Variants in DLG2 observed in about 807,000 individuals in gnomAD.
DLG2 encodes the protein disks large homolog 2.
Under a neutral mutation model 132.5 loss-of-function variants are expected in DLG2, and 45 were observed. That is an observed-to-expected ratio of 0.34 (90% CI 0.27 to 0.44). The LOEUF (loss-of-function observed/expected upper bound fraction) is 0.44, where lower values mean the gene tolerates loss of function less well. Ranked by LOEUF, DLG2 falls within the 20% of genes least tolerant of loss-of-function variation. The pLI is 1.00. For synonymous variants in DLG2, 424 were observed against 419.6 expected (o/e 1.01, Z -0.13); for missense variants, 1,045 against 1,196.9 (o/e 0.87, Z 1.87).
In DLG2 at chr11:85,184,195, T is replaced by A. The variant is rs188973956; in HGVS notation, c.187-29544A>T. Among the ~76,000 whole-genome samples the A allele has an allele frequency of 1.7e-3, 262 of 152,036 alleles. 1 individual carries two copies. The highest frequency in any genetic ancestry group is 6.2e-3 in the African/African-American group (257 of 41,508). On this transcript the variant is annotated intron_variant, in intron 4 of 27. Coordinates refer to ENST00000376104, the MANE Select transcript of DLG2 (RefSeq NM_001142699.3). Reference sequence around the variant, plus strand: ...AGAGCATGATCAATTTTAAGAGATGTAATTAGTCAATATGAAAGTACTATT... The same window carrying A: ...AGAGCATGATCAATTTTAAGAGATGAAATTAGTCAATATGAAAGTACTATT...
At chr11:85,581,307 A>C (rs1289326673) in intron 3 of DLG2, among the ~76,000 whole-genome samples, 1 of 151,964 alleles carries the variant, frequency 6.6e-6, no homozygotes, top group East Asian at 1.9e-4. Context: ...CTTTCACTTA[A>C]ATCTCTTTGA....
At chr11:83,658,522 A>G (rs1454742300) in intron 18 of DLG2, among the ~76,000 whole-genome samples, 1 of 152,254 alleles carries the variant, frequency 6.6e-6, no homozygotes, top group African/African-American at 2.4e-5. Context: ...ATTGTAACTG[A>G]CACCATTTGA....
chr11:84,177,347 T>C (rs1454245339), intron 8 of DLG2, among the ~76,000 whole-genome samples: 2 of 152,136 alleles, frequency 1.3e-5, no homozygotes, highest in Non-Finnish European at 2.9e-5. Flanking sequence ...TGCATGCACA[T>C]ATATACACAG....
intron 16 of DLG2, among the ~76,000 whole-genome samples, chr11:83,873,125 A>G (rs1419586416): frequency 6.6e-6 from 1 of 152,236 alleles, no homozygotes; most frequent in Non-Finnish European, 1.5e-5. Flanking sequence ...ACCACATTAT[A>G]GAGGACAGAG....
chr11:85,396,361 C>T (rs753921138), intron 3 of DLG2, among the ~76,000 whole-genome samples: 6 of 152,102 alleles, frequency 3.9e-5, no homozygotes, highest in Non-Finnish European at 8.8e-5. Flanking sequence ...AAAGAGAGCA[C>T]CTCTTTTCCT....
chr11:85,598,352 A>T (rs921569205), intron 3 of DLG2, among the ~76,000 whole-genome samples: 19 of 152,134 alleles, frequency 1.2e-4, no homozygotes, highest in African/African-American at 4.3e-4. Context: ...AATGTTTTAT[A>T]ACACACTACT....
intron 3 of DLG2, among the ~76,000 whole-genome samples, chr11:85,494,877 A>C (rs904927132): frequency 1.7e-5 from 2 of 115,640 alleles, no homozygotes; most frequent in Non-Finnish European, 3.9e-5. Context: ...AACAATCATG[A>C]AGTAAAAGTG....
intron 6 of DLG2, among the ~76,000 whole-genome samples, chr11:85,022,681 CTTTG>C (rs1225150123): frequency 6.6e-6 from 1 of 152,060 alleles, no homozygotes; most frequent in Non-Finnish European, 1.5e-5. Flanking sequence ...TCATTGTCAT[CTTTG>C]TTGTAATTCT....
At position 84,213,446 on chromosome 11, in the gene DLG2, G is replaced by A. The variant is rs191613531; in HGVS notation, c.573+37792C>T. 1.4e-4 allele frequency among the ~76,000 whole-genome samples: 22 copies of A among 152,194 alleles called. No homozygotes were observed. In the Middle Eastern group the frequency reaches 0.01, roughly 71 times the overall value. On this transcript the variant is annotated intron_variant, in intron 8 of 27. Coordinates refer to ENST00000376104, the MANE Select transcript of DLG2 (RefSeq NM_001142699.3). ...TAAGCTACTCAAGGTATGATCCAAA[G>A]TATGAACTAGTAGCATTGGCATTAC...
At chr11:83,904,092 A>T (rs1025290403) in intron 15 of DLG2, among the ~76,000 whole-genome samples, 10 of 152,194 alleles carry the variant, frequency 6.6e-5, no homozygotes, top group African/African-American at 2.4e-4. Flanking sequence ...AAGCACTGCA[A>T]TACTGCAACA....
chr11:84,877,586 G>C (rs1290690463), intron 6 of DLG2, among the ~76,000 whole-genome samples: 1 of 143,706 alleles, frequency 7.0e-6, no homozygotes, highest in Non-Finnish European at 1.5e-5. Context: ...TGGAGCCCAG[G>C]TGTGTCTTTG....
chr11:83,643,148 A>G (rs1245629352), intron 18 of DLG2, among the ~76,000 whole-genome samples: 1 of 152,072 alleles, frequency 6.6e-6, no homozygotes, highest in Non-Finnish European at 1.5e-5. Flanking sequence ...TGACAAAAGT[A>G]ATTCATACCA....
At chr11:84,858,271 C>T (rs191218960) in intron 6 of DLG2, among the ~76,000 whole-genome samples, 1 of 151,824 alleles carries the variant, frequency 6.6e-6, no homozygotes, top group Admixed American at 6.6e-5. Flanking sequence ...TTTATAGTTG[C>T]CCAGAAAAGT....
At chr11:84,920,102 CCTT>C (rs1229111709) in intron 6 of DLG2, among the ~76,000 whole-genome samples, 1 of 152,168 alleles carries the variant, frequency 6.6e-6, no homozygotes, top group East Asian at 1.9e-4. Flanking sequence ...TGAAAGCTCT[CCTT>C]CTAGAAAATA....
chr11:84,041,972 T>C (rs761996405), intron 11 of DLG2, among the ~76,000 whole-genome samples: 1 of 151,926 alleles, frequency 6.6e-6, no homozygotes, highest in Admixed American at 6.6e-5. Context: ...TGTGCCACCA[T>C]GTGAGATGTG....
chr11:84,439,830 A>G (rs1458917890), intron 7 of DLG2, among the ~76,000 whole-genome samples: 1 of 152,234 alleles, frequency 6.6e-6, no homozygotes, highest in Non-Finnish European at 1.5e-5. Flanking sequence ...TAAGTTAATG[A>G]TTAGAAAATT....
chr11:85,245,805 C>T (rs749361446), intron 4 of DLG2, among the ~76,000 whole-genome samples: 4 of 151,958 alleles, frequency 2.6e-5, no homozygotes, highest in Non-Finnish European at 5.9e-5. Flanking sequence ...CTCATCTACT[C>T]TACTCCAGCC....
At chr11:85,265,471 A>G (rs1208610540) in intron 4 of DLG2, among the ~76,000 whole-genome samples, 1 of 152,188 alleles carries the variant, frequency 6.6e-6, no homozygotes, top group Non-Finnish European at 1.5e-5. Context: ...TCCAAGGCCT[A>G]TGCTCCTTCC....
At chr11:84,692,207 A>C (rs1247901893) in intron 6 of DLG2, among the ~76,000 whole-genome samples, 1 of 151,778 alleles carries the variant, frequency 6.6e-6, no homozygotes, top group Non-Finnish European at 1.5e-5. Context: ...GATATCCAAA[A>C]AGAACAAACC....
Sources: gnomAD v4.1 joint callset for allele counts (sites outside exome capture counted in the v4.1 genomes callset) on GRCh38, gnomAD v4.1.1 for gene constraint, MANE v1.5 for transcripts, NCBI Gene and HGNC (gene_info 2026-07-23, HGNC 2026-07-21) for gene names.